KIAA0825: variants seen among roughly 807,000 people sequenced by gnomAD.
KIAA0825 encodes KIAA0825, also known as uncharacterized protein KIAA0825.
A neutral mutation model predicts 147.6 loss-of-function variants in KIAA0825; 119 were observed. The observed-to-expected ratio is 0.81, with a 90% CI of 0.69 to 0.94. The LOEUF is 0.94. KIAA0825 is among the 40% of genes least tolerant of loss of function. The probability of loss-of-function intolerance (pLI) is 0.00; values close to 1 mark genes in which losing one functional copy is unlikely to be tolerated. For synonymous variants in KIAA0825, 470 were observed against 518.1 expected (o/e 0.91, Z 1.26); for missense variants, 1,381 against 1,472.7 (o/e 0.94, Z 1.02).
intron 20 of KIAA0825, among the ~76,000 whole-genome samples, chr5:94,212,198 C>T (rs143126327): frequency 2.1e-4 from 32 of 152,190 alleles, no homozygotes; most frequent in South Asian, 2.1e-4. Flanking sequence ...ATATTTTAAA[C>T]GCAAAGTAAT....
intron 1 of KIAA0825, among the ~76,000 whole-genome samples, chr5:94,589,310 A>G (rs1259128500): frequency 6.6e-6 from 1 of 152,204 alleles, no homozygotes; most frequent in Non-Finnish European, 1.5e-5. Flanking sequence ...TCCATGGACT[A>G]CCCATTCACT....
At chr5:94,391,754 T>C in intron 17 of KIAA0825, 60 bp from the exon 18 acceptor site, 1 of 1,309,784 alleles carries the variant, frequency 7.6e-7, no homozygotes, top group Non-Finnish European at 1.0e-6. Flanking sequence ...TGGAGAGTAA[T>C]CATGGAGATG....
At chr5:94,481,748 C>T (rs982760838) in intron 6 of KIAA0825, among the ~76,000 whole-genome samples, 1 of 151,984 alleles carries the variant, frequency 6.6e-6, no homozygotes, top group African/African-American at 2.4e-5. Flanking sequence ...CTCTTAAGAC[C>T]CCCTAAGAGT....
chr5:94,346,276 AT>A, intron 20 of KIAA0825, among the ~76,000 whole-genome samples: 1 of 152,296 alleles, frequency 6.6e-6, no homozygotes, highest in Middle Eastern at 3.4e-3. Context: ...TTATTTTCTT[AT>A]GTTAATTGAT....
At chr5:94,397,919 C>A (rs1750884993) in intron 16 of KIAA0825, among the ~76,000 whole-genome samples, 1 of 152,076 alleles carries the variant, frequency 6.6e-6, no homozygotes, top group Non-Finnish European at 1.5e-5. Context: ...AAACCATTGT[C>A]TTCCAAACTA....
chr5:94,238,086 A>G (rs1284201147), intron 20 of KIAA0825, among the ~76,000 whole-genome samples: 7 of 152,206 alleles, frequency 4.6e-5, no homozygotes, highest in Non-Finnish European at 4.4e-5. Flanking sequence ...ACTCTAGTTA[A>G]TGATAAGCAC....
intron 5 of KIAA0825, among the ~76,000 whole-genome samples, chr5:94,518,098 A>G (rs1035881151): frequency 6.6e-6 from 1 of 152,194 alleles, no homozygotes; most frequent in African/African-American, 2.4e-5. Flanking sequence ...CTATAATTTC[A>G]GGTAAAATAG....
rs56692664 is a variant in KIAA0825, at chr5:94,431,366, C to A, written c.2497+8616G>T. Among the ~76,000 whole-genome samples the A allele has an allele frequency of 2.4e-4, 36 of 152,274 alleles. No individual in the cohort carries two copies. The East Asian group carries it at 6.8e-3, about 29-fold the overall frequency. ...CAGGCCTGCAATCATTCAACAAATA[C>A]TTTTTTAAAGCATGTTCTATGCTGT... On this transcript the variant is annotated intron_variant, in intron 14 of 20. Coordinates refer to ENST00000682413, the MANE Select transcript of KIAA0825 (RefSeq NM_001145678.3).
At chr5:94,437,458 G>C (rs1227998678) in intron 14 of KIAA0825, among the ~76,000 whole-genome samples, 1 of 152,118 alleles carries the variant, frequency 6.6e-6, no homozygotes, top group South Asian at 2.1e-4. Context: ...ATGGGTGTTT[G>C]AGCAGGTTGG....
chr5:94,379,844 C>CTT (rs59886046), intron 20 of KIAA0825, among the ~76,000 whole-genome samples: 677 of 55,730 alleles, frequency 0.012, 149 homozygotes, highest in African/African-American at 0.053. Context: ...GTATTTTATT[C>CTT]TTTTTTTTTT....
intron 17 of KIAA0825, among the ~76,000 whole-genome samples, chr5:94,393,017 G>A (rs1750118044): frequency 2.6e-5 from 4 of 151,952 alleles, no homozygotes; most frequent in Middle Eastern, 3.4e-3. Flanking sequence ...GTTTTGTAGA[G>A]GCTGACATTG....
At chr5:94,437,147 C>T (rs746580585) in intron 14 of KIAA0825, among the ~76,000 whole-genome samples, 23 of 151,970 alleles carry the variant, frequency 1.5e-4, no homozygotes, top group South Asian at 4.2e-4. Context: ...TTCTAAATTA[C>T]AAAATGGTAC....
chr5:94,239,871 C>T (rs146572331), intron 20 of KIAA0825, among the ~76,000 whole-genome samples: 12 of 152,200 alleles, frequency 7.9e-5, no homozygotes, highest in African/African-American at 2.2e-4. Flanking sequence ...TCAGAAGTAG[C>T]CTGCAAATAG....
intron 12 of KIAA0825, among the ~76,000 whole-genome samples, chr5:94,460,090 C>A (rs186677001): frequency 1.1e-3 from 163 of 152,192 alleles, no homozygotes; most frequent in South Asian, 4.1e-3. Context: ...TACACATGAA[C>A]TAAAACTAAA....
At chr5:94,493,582 G>A (rs1249983907) in intron 5 of KIAA0825, among the ~76,000 whole-genome samples, 2 of 152,102 alleles carry the variant, frequency 1.3e-5, no homozygotes, top group African/African-American at 4.8e-5. Flanking sequence ...CCACCCCGCC[G>A]GGTTCACGCC....
chr5:94,432,870 G>C (rs887811181), intron 14 of KIAA0825, among the ~76,000 whole-genome samples: 6 of 151,612 alleles, frequency 4.0e-5, no homozygotes, highest in Non-Finnish European at 7.4e-5. Context: ...TAATAATAAA[G>C]AACTAAAAGA....
intron 20 of KIAA0825, among the ~76,000 whole-genome samples, chr5:94,210,297 A>G (rs1772582910): frequency 6.6e-6 from 1 of 152,210 alleles, no homozygotes; most frequent in Admixed American, 6.5e-5. Flanking sequence ...TTATTTGCTT[A>G]GTGCAACATG....
intron 20 of KIAA0825, among the ~76,000 whole-genome samples, chr5:94,251,038 G>T (rs573370444): frequency 6.6e-6 from 1 of 152,212 alleles, no homozygotes; most frequent in African/African-American, 2.4e-5. Flanking sequence ...ATAACCAGCT[G>T]CTGACCCTAA....
intron 13 of KIAA0825, among the ~76,000 whole-genome samples, chr5:94,443,327 AG>A (rs1757324433): frequency 1.4e-5 from 2 of 147,058 alleles, no homozygotes; most frequent in South Asian, 4.4e-4. Flanking sequence ...AATGACAGAA[AG>A]GGAAATTTTA....
Sources: allele counts gnomAD v4.1 joint callset (sites outside exome capture counted in the v4.1 genomes callset), GRCh38; gene constraint gnomAD v4.1.1; transcripts MANE v1.5; gene names NCBI Gene and HGNC (gene_info 2026-07-23, HGNC 2026-07-21).